Variants in NELL1 observed in about 807,000 individuals in gnomAD.
The protein encoded by NELL1 is protein kinase C-binding protein NELL1.
Under a neutral mutation model 107.4 loss-of-function variants are expected in NELL1, and 76 were observed. The observed-to-expected ratio is 0.71, with a 90% confidence interval of 0.59 to 0.86. The LOEUF (loss-of-function observed/expected upper bound fraction) is 0.86, where lower values mean the gene tolerates loss of function less well. Among genes scored for constraint, NELL1 ranks in the 40% least tolerant of loss-of-function variants. The pLI, the probability that NELL1 is intolerant of heterozygous loss-of-function variation, is 0.00. For missense variants in NELL1, 1,024 were observed against 1,005.5 expected, an observed-to-expected ratio of 1.02 and a Z score of -0.25; for synonymous variants, 353 against 341.2, an observed-to-expected ratio of 1.03 and a Z score of -0.38.
chr11:20,975,204 T>C (rs1167738065), intron 12 of NELL1, among the ~76,000 whole-genome samples: 2 of 151,834 alleles, frequency 1.3e-5, no homozygotes, highest in Non-Finnish European at 2.9e-5. Flanking sequence ...TTAGTAGAGA[T>C]GGGGTTTCAC....
At chr11:20,953,428 T>G (rs1728876642) in intron 11 of NELL1, among the ~76,000 whole-genome samples, 1 of 152,184 alleles carries the variant, frequency 6.6e-6, no homozygotes, top group Non-Finnish European at 1.5e-5. Context: ...TTAAGCAGAA[T>G]CAGTGATGAT....
At chr11:21,515,556 C>A (rs1855538449) in intron 15 of NELL1, among the ~76,000 whole-genome samples, 1 of 152,102 alleles carries the variant, frequency 6.6e-6, no homozygotes, top group Admixed American at 6.6e-5. Context: ...CACTTTGAGC[C>A]ATTTTCTCTT....
chr11:21,419,153 T>G (rs1216074934), intron 15 of NELL1, among the ~76,000 whole-genome samples: 1 of 152,078 alleles, frequency 6.6e-6, no homozygotes, highest in Admixed American at 6.6e-5. Flanking sequence ...ATGCACGACC[T>G]TTGACCAAGT....
chr11:21,020,630 C>A (rs1240209647), intron 12 of NELL1, among the ~76,000 whole-genome samples: 1 of 152,010 alleles, frequency 6.6e-6, no homozygotes, highest in Non-Finnish European at 1.5e-5. Context: ...TTCTGCACAT[C>A]TAAGCTGCTC....
rs572383864 is a variant in NELL1 at position 20,826,451 on chromosome 11, G to A, written c.336-21132G>A. ...CCTAGCTGTAAGGAAGATGGTGAAT[G>A]TGACCTTTATTCTAGATGGCCGTGT... On this transcript the variant is annotated intron_variant, in intron 3 of 19. Transcript: ENST00000357134. 7.9e-5 allele frequency among the ~76,000 whole-genome samples: 12 copies of A among 151,424 alleles called. No homozygotes were observed. In the South Asian group the frequency reaches 1.0e-3, roughly 13 times the overall value.
intron 14 of NELL1, among the ~76,000 whole-genome samples, chr11:21,301,759 A>G (rs1386548529): frequency 1.3e-5 from 2 of 151,964 alleles, no homozygotes; most frequent in East Asian, 1.9e-4. Flanking sequence ...ATTAGATCCC[A>G]TTTGTCAAAT....
intron 14 of NELL1, among the ~76,000 whole-genome samples, chr11:21,270,743 TG>T (rs35515037): frequency 6.6e-6 from 1 of 152,142 alleles, no homozygotes; most frequent in African/African-American, 2.4e-5. Context: ...CAAGCTCACA[TG>T]GAACATTCAT....
At chr11:21,459,633 C>A (rs973934231) in intron 15 of NELL1, among the ~76,000 whole-genome samples, 4 of 152,012 alleles carry the variant, frequency 2.6e-5, no homozygotes, top group Non-Finnish European at 5.9e-5. Flanking sequence ...GCTATCTAAA[C>A]ATCTGTGAAA....
At chr11:20,743,696 T>G (rs561794683) in intron 2 of NELL1, among the ~76,000 whole-genome samples, 1 of 152,300 alleles carries the variant, frequency 6.6e-6, no homozygotes, top group African/African-American at 2.4e-5. Context: ...TCTTCAAATA[T>G]TGCTCTGAGC....
chr11:21,546,165 G>A (rs1856436062), intron 16 of NELL1, among the ~76,000 whole-genome samples: 1 of 151,954 alleles, frequency 6.6e-6, no homozygotes, highest in South Asian at 2.1e-4. Flanking sequence ...AATGTTTCCA[G>A]TTACCACTCT....
rs543991813 is a variant in NELL1, at chr11:21,097,142, C to T, written c.1301-16447C>T. 2.6e-5 allele frequency among the ~76,000 whole-genome samples: 4 copies of T among 152,076 alleles called. No individual in the cohort carries two copies. In the East Asian group the frequency reaches 5.8e-4, roughly 22 times the overall value. The stretch of plus-strand genomic sequence containing the variant: ...CACACTCTCACTCCACTCATCAACT[C>T]GCTGCAGCCAGATTTCTACGTTCAT... On this transcript the variant is annotated intron_variant, in intron 12 of 19. Transcript: ENST00000357134.
At chr11:21,105,670 T>G (rs937264196) in intron 12 of NELL1, among the ~76,000 whole-genome samples, 5 of 152,090 alleles carry the variant, frequency 3.3e-5, no homozygotes, top group African/African-American at 1.2e-4. Context: ...GAAAAGAAAT[T>G]GATTTTGGTG....
At chr11:20,936,595 AC>A (rs1282599509) in intron 9 of NELL1, among the ~76,000 whole-genome samples, 4 of 152,178 alleles carry the variant, frequency 2.6e-5, no homozygotes, top group African/African-American at 4.8e-5. Context: ...ATCTGCAAAC[AC>A]AGCACTTGCC....
chr11:21,275,044 A>T (rs908850890), intron 14 of NELL1, among the ~76,000 whole-genome samples: 1 of 152,208 alleles, frequency 6.6e-6, no homozygotes, highest in African/African-American at 2.4e-5. Context: ...AGAAATAACT[A>T]AGATCAGAGC....
At chr11:20,991,763 C>T (rs1009595733) in intron 12 of NELL1, among the ~76,000 whole-genome samples, 25 of 152,180 alleles carry the variant, frequency 1.6e-4, no homozygotes, top group African/African-American at 6.0e-4. Flanking sequence ...GAACGATACT[C>T]GCTAGTCCAC....
At chr11:21,408,318 T>C (rs1427927937) in intron 15 of NELL1, among the ~76,000 whole-genome samples, 1 of 152,016 alleles carries the variant, frequency 6.6e-6, no homozygotes, top group Admixed American at 6.6e-5. Context: ...TCAGCATAAC[T>C]CTTCCATTAC....
Position 21,560,334 on chromosome 11 carries a change from C to T in NELL1, c.1932C>T (p.Gly644=). 6.2e-7 allele frequency: 1 copy of T among 1,611,516 alleles called. No homozygotes were observed. The highest frequency in any genetic ancestry group is 1.1e-5 in the South Asian group (1 of 90,676). ...CPHEGGLKHN[G]QVWTLKEDRC... Reference sequence around the variant, plus strand: ...ATGAAGGGGGGCTGAAGCACAATGGCCAGGTGTGGACCTTGAAAGAAGACA... The same window carrying T: ...ATGAAGGGGGGCTGAAGCACAATGGTCAGGTGTGGACCTTGAAAGAAGACA... The change falls in exon 17 of 20, where the codon GGC becomes GGT. Residue 644 remains glycine (G), a synonymous_variant. Coordinates refer to ENST00000357134, the MANE Select transcript of NELL1 (RefSeq NM_006157.5).
chr11:21,511,398 A>G (rs1185852809), intron 15 of NELL1, among the ~76,000 whole-genome samples: 2 of 152,132 alleles, frequency 1.3e-5, no homozygotes, highest in East Asian at 3.9e-4. Context: ...GCCCTCCACT[A>G]AGCCTGCCAT....
intron 12 of NELL1, among the ~76,000 whole-genome samples, chr11:20,961,643 T>C (rs778804095): frequency 1.3e-5 from 2 of 152,150 alleles, no homozygotes; most frequent in Non-Finnish European, 2.9e-5. Context: ...AACACGGGTT[T>C]AAACTTTGCA....
Sources: gnomAD v4.1 joint callset for allele counts (sites outside exome capture counted in the v4.1 genomes callset) on GRCh38, gnomAD v4.1.1 for gene constraint, MANE v1.5 for transcripts, NCBI Gene and HGNC (gene_info 2026-07-23, HGNC 2026-07-21) for gene names.